EXOC4: variants seen among roughly 807,000 people sequenced by gnomAD.
EXOC4 encodes the protein SEC8-like 1.
In EXOC4, 71 loss-of-function variants were observed where a neutral mutation model predicts 107.2. The ratio of observed to expected loss-of-function variants is 0.66; its 90% confidence interval spans 0.55 to 0.81. The LOEUF (loss-of-function observed/expected upper bound fraction) is 0.81. Among genes scored for constraint, EXOC4 ranks in the 30% least tolerant of loss-of-function variants. The probability of loss-of-function intolerance (pLI) is 0.00; values close to 1 mark genes in which losing one functional copy is unlikely to be tolerated. For missense variants in EXOC4, 1,108 were observed against 1,189.6 expected, an observed-to-expected ratio of 0.93 and a Z score of 1.01; for synonymous variants, 456 against 441.2, an observed-to-expected ratio of 1.03 and a Z score of -0.42.
At chr7:133,697,618 A>G (rs1279893851) in intron 10 of EXOC4, among the ~76,000 whole-genome samples, 1 of 152,172 alleles carries the variant, frequency 6.6e-6, no homozygotes. Flanking sequence ...GGCCATAGGT[A>G]TGGGGACCAC....
intron 14 of EXOC4, among the ~76,000 whole-genome samples, chr7:133,985,588 T>G (rs1319026784): frequency 6.6e-6 from 1 of 152,214 alleles, no homozygotes; most frequent in East Asian, 1.9e-4. Context: ...TTAAACAATA[T>G]GTAATATTTG....
At chr7:133,667,681 C>T (rs1314932527) in intron 10 of EXOC4, among the ~76,000 whole-genome samples, 1 of 152,162 alleles carries the variant, frequency 6.6e-6, no homozygotes, top group Non-Finnish European at 1.5e-5. Flanking sequence ...GCACATTTCA[C>T]AATTACATTT....
At chr7:133,271,220 T>C in intron 1 of EXOC4, among the ~76,000 whole-genome samples, 1 of 152,170 alleles carries the variant, frequency 6.6e-6, no homozygotes, top group East Asian at 1.9e-4. Flanking sequence ...GCCTGGCCTC[T>C]TTCATGCTTT....
intron 9 of EXOC4, among the ~76,000 whole-genome samples, chr7:133,614,587 A>G (rs1218244912): frequency 6.6e-6 from 1 of 152,098 alleles, no homozygotes; most frequent in African/African-American, 2.4e-5. Context: ...AGCATTATGT[A>G]AGAGAATCCT....
intron 14 of EXOC4, among the ~76,000 whole-genome samples, chr7:133,949,921 T>G (rs1294713078): frequency 6.6e-6 from 1 of 152,240 alleles, no homozygotes; most frequent in Non-Finnish European, 1.5e-5. Flanking sequence ...TTAAAGTTAT[T>G]GGCAATGTCT....
intron 17 of EXOC4, among the ~76,000 whole-genome samples, chr7:134,008,435 A>G (rs1794693728): frequency 1.3e-5 from 2 of 152,104 alleles, no homozygotes; most frequent in African/African-American, 4.8e-5. Flanking sequence ...AATGAGCCAT[A>G]TTTATTTTTT....
At chr7:133,921,362 A>G (rs1396566368) in intron 13 of EXOC4, among the ~76,000 whole-genome samples, 1 of 152,188 alleles carries the variant, frequency 6.6e-6, no homozygotes, top group African/African-American at 2.4e-5. Flanking sequence ...TTAAAATGCT[A>G]ATCTCTTCTA....
At chr7:133,538,915 GGGAA>G (rs1800329417) in intron 9 of EXOC4, among the ~76,000 whole-genome samples, 1 of 149,612 alleles carries the variant, frequency 6.7e-6, no homozygotes, top group African/African-American at 2.5e-5. Flanking sequence ...GAAGGAAGGA[GGGAA>G]GGAAGGAAGG....
chr7:133,493,881 A>G (rs1799422752), intron 9 of EXOC4, among the ~76,000 whole-genome samples: 2 of 152,240 alleles, frequency 1.3e-5, no homozygotes, highest in African/African-American at 4.8e-5. Flanking sequence ...ATTAATGGCC[A>G]TGATGAACGT....
intron 10 of EXOC4, among the ~76,000 whole-genome samples, chr7:133,660,518 G>A (rs1311243293): frequency 1.3e-5 from 2 of 152,132 alleles, no homozygotes; most frequent in African/African-American, 2.4e-5. Context: ...ATAGCACAAC[G>A]TGTCTTGTTT....
intron 10 of EXOC4, among the ~76,000 whole-genome samples, chr7:133,806,742 A>G (rs766455212): frequency 1.8e-4 from 27 of 152,264 alleles, no homozygotes; most frequent in Non-Finnish European, 8.8e-5. Flanking sequence ...AAACTGTCCA[A>G]GGTCAAATTT....
chr7:134,031,381 CTG>C, intron 17 of EXOC4, among the ~76,000 whole-genome samples: 1 of 152,258 alleles, frequency 6.6e-6, no homozygotes, highest in African/African-American at 2.4e-5. Context: ...TTTGTTCTCT[CTG>C]TTTCTCTAAA....
chr7:133,302,109 A>C (rs1794654098), intron 3 of EXOC4, among the ~76,000 whole-genome samples: 1 of 152,166 alleles, frequency 6.6e-6, no homozygotes, highest in African/African-American at 2.4e-5. Flanking sequence ...TCTTGATTAT[A>C]TACATTTTAA....
chr7:134,056,431 G>A (rs1239861302), intron 17 of EXOC4, among the ~76,000 whole-genome samples: 2 of 152,192 alleles, frequency 1.3e-5, no homozygotes, highest in Admixed American at 6.5e-5. Flanking sequence ...TTCATTATTT[G>A]ATAACATCAG....
intron 10 of EXOC4, among the ~76,000 whole-genome samples, chr7:133,640,862 CT>C (rs1802836945): frequency 9.6e-6 from 1 of 103,916 alleles, no homozygotes; most frequent in Non-Finnish European, 2.2e-5. Flanking sequence ...TCGACATTCT[CT>C]CTCTCTCTCT....
intron 9 of EXOC4, among the ~76,000 whole-genome samples, chr7:133,574,156 A>G (rs1801079427): frequency 6.6e-6 from 1 of 152,172 alleles, no homozygotes; most frequent in South Asian, 2.1e-4. Context: ...TGTAATATAT[A>G]TAAGAAGTAG....
At chr7:133,521,605 G>GT (rs992464012) in intron 9 of EXOC4, among the ~76,000 whole-genome samples, 159 of 147,846 alleles carry the variant, frequency 1.1e-3, no homozygotes, top group South Asian at 5.6e-3. Context: ...TCAGTTCCGT[G>GT]TTTTTTTTTT....
intron 17 of EXOC4, among the ~76,000 whole-genome samples, chr7:134,063,214 C>A (rs1164885753): frequency 1.3e-5 from 2 of 152,160 alleles, no homozygotes; most frequent in Non-Finnish European, 2.9e-5. Flanking sequence ...CATGCCTTTG[C>A]TCATGCTCTT....
intron 11 of EXOC4, among the ~76,000 whole-genome samples, chr7:133,883,326 T>A (rs563488615): frequency 1.3e-5 from 2 of 151,942 alleles, no homozygotes; most frequent in South Asian, 2.1e-4. Context: ...ATTGCTTTTT[T>A]TTTTTTTTTT....
Sources: allele counts gnomAD v4.1 joint callset (sites outside exome capture counted in the v4.1 genomes callset), GRCh38; gene constraint gnomAD v4.1.1; transcripts MANE v1.5; gene names NCBI Gene and HGNC (gene_info 2026-07-23, HGNC 2026-07-21).